The following NTM variants were observed in gnomAD, a reference collection of about 807,000 sequenced individuals.
NTM encodes neurotrimin.
NTM carries 13 observed loss-of-function variants against 42.1 expected under a neutral mutation model. The observed-to-expected ratio is 0.31, with a 90% confidence interval of 0.20 to 0.49. The LOEUF (loss-of-function observed/expected upper bound fraction) is 0.49. Ranked by LOEUF, NTM falls within the 20% of genes least tolerant of loss-of-function variation. The pLI is 0.99. For synonymous variants in NTM, 187 were observed against 179.2 expected, an observed-to-expected ratio of 1.04 and a Z score of -0.35; for missense variants, 373 against 452.8, an observed-to-expected ratio of 0.82 and a Z score of 1.60.
chr11:132,143,231 C>T (rs1201591438), intron 2 of NTM, among the ~76,000 whole-genome samples: 2 of 152,174 alleles, frequency 1.3e-5, no homozygotes, highest in Non-Finnish European at 2.9e-5. Flanking sequence ...TAGAGGTTCT[C>T]AGGGAGCTCT....
At chr11:131,518,879 C>G (rs2049230357) in intron 1 of NTM, among the ~76,000 whole-genome samples, 1 of 152,176 alleles carries the variant, frequency 6.6e-6, no homozygotes, top group South Asian at 2.1e-4. Context: ...ACCTTAATAA[C>G]TAATTAGGAC....
chr11:131,401,822 A>ATATATATATGTGTATG (rs1591567152), intron 1 of NTM, among the ~76,000 whole-genome samples: 1 of 57,876 alleles, frequency 1.7e-5, no homozygotes. Flanking sequence ...ATATATATAT[A>ATATATATATGTGTATG]TATATATATA....
chr11:132,326,209 A>T (rs1375626532), intron 7 of NTM, among the ~76,000 whole-genome samples: 1 of 152,218 alleles, frequency 6.6e-6, no homozygotes, highest in Non-Finnish European at 1.5e-5. Context: ...AACATACAGT[A>T]TCAGGGAAGT....
At chr11:131,466,608 TG>T (rs1951924320) in intron 1 of NTM, among the ~76,000 whole-genome samples, 1 of 152,196 alleles carries the variant, frequency 6.6e-6, no homozygotes, top group African/African-American at 2.4e-5. Context: ...CTCCCTAGCA[TG>T]TTATGCCGCA....
chr11:131,616,665 G>C (rs1478204667), intron 1 of NTM, among the ~76,000 whole-genome samples: 1 of 152,060 alleles, frequency 6.6e-6, no homozygotes, highest in Non-Finnish European at 1.5e-5. Flanking sequence ...TCCCCACCCG[G>C]CTCCTCTGGT....
chr11:131,412,397 G>C (rs1395608462), intron 1 of NTM, among the ~76,000 whole-genome samples: 1 of 152,138 alleles, frequency 6.6e-6, no homozygotes, highest in Non-Finnish European at 1.5e-5. Flanking sequence ...TAAGGAATGG[G>C]ATGGAAAATA....
At chr11:131,796,499 C>T (rs1226745095) in intron 1 of NTM, among the ~76,000 whole-genome samples, 2 of 152,210 alleles carry the variant, frequency 1.3e-5, no homozygotes, top group Non-Finnish European at 2.9e-5. Flanking sequence ...CCACAGGAAC[C>T]GCAGGCCAAC....
intron 1 of NTM, among the ~76,000 whole-genome samples, chr11:131,689,081 G>A (rs754142819): frequency 7.9e-5 from 12 of 151,318 alleles, no homozygotes; most frequent in Non-Finnish European, 1.8e-4. Flanking sequence ...GTTTGTTAAG[G>A]AAAATCCCCG....
intron 2 of NTM, among the ~76,000 whole-genome samples, chr11:132,123,578 A>G (rs538102881): frequency 6.6e-6 from 1 of 152,320 alleles, no homozygotes; most frequent in East Asian, 1.9e-4. Context: ...GTTTTCGGCG[A>G]GAGCTAGGGA....
chr11:132,148,780 A>G (rs951366134), intron 3 of NTM, among the ~76,000 whole-genome samples: 1 of 152,198 alleles, frequency 6.6e-6, no homozygotes, highest in Non-Finnish European at 1.5e-5. Flanking sequence ...TATGGGCTCC[A>G]AGAGAGACGG....
At chr11:132,193,268 G>A (rs79279607) in intron 3 of NTM, among the ~76,000 whole-genome samples, 2,232 of 151,870 alleles carry the variant, frequency 0.015, 22 homozygotes, top group Middle Eastern at 0.048. Flanking sequence ...AAAGCAAGTC[G>A]CAATAAATTC....
chr11:131,848,654 A>G (rs893202184), intron 1 of NTM, among the ~76,000 whole-genome samples: 2 of 152,194 alleles, frequency 1.3e-5, no homozygotes, highest in Non-Finnish European at 2.9e-5. Context: ...AATAACTACC[A>G]TTTAGATAGT....
chr11:131,920,674 T>C (rs966016729), intron 2 of NTM, among the ~76,000 whole-genome samples: 8 of 152,196 alleles, frequency 5.3e-5, no homozygotes, highest in Admixed American at 3.9e-4. Flanking sequence ...TGTTTTGGCT[T>C]AGAAAGCTTT....
chr11:132,139,926 G>A (rs570228761), intron 2 of NTM, among the ~76,000 whole-genome samples: 3 of 152,300 alleles, frequency 2.0e-5, no homozygotes, highest in Admixed American at 2.0e-4. Context: ...TGCTTTTCAA[G>A]AACTTAAAAT....
intron 2 of NTM, among the ~76,000 whole-genome samples, chr11:132,018,149 C>T (rs986909641): frequency 6.6e-6 from 1 of 151,782 alleles, no homozygotes; most frequent in Non-Finnish European, 1.5e-5. Context: ...TCCTCCCTCT[C>T]TCGTTTCCTG....
chr11:132,190,022 G>A (rs926826075), intron 3 of NTM, among the ~76,000 whole-genome samples: 1 of 152,224 alleles, frequency 6.6e-6, no homozygotes, highest in Non-Finnish European at 1.5e-5. Context: ...CTCGATCAGA[G>A]TGGTTTGAAC....
At chr11:132,004,605 TTCTCTCTCTCTC>T (rs71480226) in intron 2 of NTM, among the ~76,000 whole-genome samples, 10 of 144,148 alleles carry the variant, frequency 6.9e-5, no homozygotes, top group East Asian at 4.2e-4. Context: ...CTTTCTCTCT[TTCTCTCTCTCTC>T]TCTCTCTCTC....
chr11:132,166,896 C>G (rs897598206), intron 3 of NTM, among the ~76,000 whole-genome samples: 2 of 152,126 alleles, frequency 1.3e-5, no homozygotes, highest in Admixed American at 6.5e-5. Flanking sequence ...GTGAGAGGAC[C>G]GTTGTCATCT....
chr11:131,439,255 C>T (rs537731032), intron 1 of NTM, among the ~76,000 whole-genome samples: 13 of 152,276 alleles, frequency 8.5e-5, no homozygotes, highest in South Asian at 4.1e-4. Context: ...TTAGGCTACT[C>T]GGGGGTCAGG....
Sources: allele counts gnomAD v4.1 joint callset (sites outside exome capture counted in the v4.1 genomes callset), GRCh38; gene constraint gnomAD v4.1.1; transcripts MANE v1.5; gene names NCBI Gene and HGNC (gene_info 2026-07-23, HGNC 2026-07-21).